ZNF469: variants seen among roughly 807,000 people sequenced by gnomAD.
ZNF469 encodes the protein zinc finger protein 469.
A neutral mutation model predicts 1.0 loss-of-function variants in ZNF469; 1 was observed. The ratio of observed to expected loss-of-function variants is 1.00; its 90% confidence interval spans 0.35 to 4.73. The LOEUF (loss-of-function observed/expected upper bound fraction) is 4.73, where lower values mean the gene tolerates loss of function less well. Ranked by LOEUF, ZNF469 falls within the 30% of genes most tolerant of loss-of-function variation. The pLI is 0.16. For synonymous variants in ZNF469, 2,703 were observed against 2,363.4 expected, an observed-to-expected ratio of 1.14 and a Z score of -4.17; for missense variants, 6,100 against 5,356.3, an observed-to-expected ratio of 1.14 and a Z score of -4.33.
intron 1 of ZNF469, among the ~76,000 whole-genome samples, chr16:88,387,135 A>G (rs536225742): frequency 1.3e-5 from 2 of 152,302 alleles, no homozygotes; most frequent in African/African-American, 4.8e-5. Context: ...CTAGACACCC[A>G]GAGACCCGCG....
the ZNF469 span, among the ~76,000 whole-genome samples, chr16:88,104,223 GTCA>G: frequency 6.8e-6 from 1 of 146,758 alleles, no homozygotes; most frequent in Non-Finnish European, 1.5e-5. Flanking sequence ...CGATGGGGAC[GTCA>G]TCTGCCTCCC....
the ZNF469 span, among the ~76,000 whole-genome samples, chr16:88,101,544 CTT>C: frequency 1.9e-4 from 27 of 144,040 alleles, no homozygotes; most frequent in Non-Finnish European, 1.7e-4. Flanking sequence ...TCTCATTACG[CTT>C]TTTTTTTTTT....
chr16:88,380,331 T>TCA (rs144142838), upstream of ZNF469, among the ~76,000 whole-genome samples: 9 of 48,440 alleles, frequency 1.9e-4, 2 homozygotes, highest in African/African-American at 3.8e-4. Context: ...ACACATGCAC[T>TCA]CACACATGCG....
intron 1 of ZNF469, among the ~76,000 whole-genome samples, chr16:88,407,225 G>A (rs1049613217): frequency 2.6e-5 from 4 of 152,242 alleles, no homozygotes; most frequent in Non-Finnish European, 4.4e-5. Flanking sequence ...CCCCCAGGGT[G>A]GGAGCTCCTG....
chr16:88,427,413 C>A lies in ZNF469; in HGVS notation c.-58C>A. On this transcript the variant is annotated 5_prime_UTR_variant, in exon 3 of 3. Coordinates refer to ENST00000565624, the MANE Select transcript of ZNF469 (RefSeq NM_001367624.2). ...GAGGGCTGAGGATGGCCGTCCAGCC[C>A]ACTCCCCAGGGCCCCCCTCGGACAG... 2 of 1,432,436 alleles carry A rather than the reference C, an allele frequency of 1.4e-6. No individual in the cohort carries two copies. The highest frequency in any genetic ancestry group is 1.5e-5 in the South Asian group (1 of 68,012). The allele number at this position is 1,432,436 out of a possible 1,614,324, so 88.7% of individuals were successfully genotyped here. A position where few individuals can be genotyped will look rare whatever the true frequency, so the allele number is the denominator to read the frequency against.
In ZNF469 at chr16:88,432,853, G is replaced by A; in HGVS notation, c.5383G>A (p.Ala1795Thr). The change falls in exon 3 of 3, where the codon GCT (alanine) becomes ACT (threonine). Residue 1795 changes from alanine (A) to threonine (T), a missense_variant. Physicochemically the swap from Ala to Thr is moderately conservative, Grantham distance 58. Coordinates refer to ENST00000565624, the MANE Select transcript of ZNF469 (RefSeq NM_001367624.2). ...QPHRGAPAPEAFGSPAVHLAP... is the reference protein window; with the variant it reads ...QPHRGAPAPETFGSPAVHLAP... ...CCACCGAGGGGCCCCTGCTCCAGAA[G>A]CTTTTGGCAGCCCTGCTGTCCATCT... 6.5e-7 allele frequency: 1 copy of A among 1,550,354 alleles called. No homozygotes were observed. Among genetic ancestry groups the A allele is most frequent in the Non-Finnish European group, 8.7e-7 (1 of 1,146,990 alleles).
At chr16:88,120,085 G>A in the ZNF469 span, among the ~76,000 whole-genome samples, 1 of 152,234 alleles carries the variant, frequency 6.6e-6, no homozygotes, top group Non-Finnish European at 1.5e-5. Context: ...ACCGGGTAGA[G>A]TGTGCTGAGG....
At chr16:88,225,800 C>T in the ZNF469 span, among the ~76,000 whole-genome samples, 1 of 152,236 alleles carries the variant, frequency 6.6e-6, no homozygotes, top group Non-Finnish European at 1.5e-5. Context: ...CTGCCAGCAT[C>T]TCCATCCTGG....
chr16:88,423,770 T>C (rs1374601664), intron 1 of ZNF469, among the ~76,000 whole-genome samples: 1 of 152,306 alleles, frequency 6.6e-6, no homozygotes, highest in Non-Finnish European at 1.5e-5. Flanking sequence ...ACGGGGCTGC[T>C]TGAGTGCCCG....
the ZNF469 span, among the ~76,000 whole-genome samples, chr16:88,364,415 T>C: frequency 6.6e-6 from 1 of 151,870 alleles, no homozygotes; most frequent in East Asian, 1.9e-4. Flanking sequence ...GTTCTTCCTT[T>C]ATTTTGTCTG....
In ZNF469 at chr16:88,428,910, C is replaced by A. The variant is rs1252110692; in HGVS notation, c.1440C>A (p.Ala480=). The change falls in exon 3 of 3, where the codon GCC becomes GCA. Residue 480 remains alanine (A), a synonymous_variant. Coordinates refer to ENST00000565624, the MANE Select transcript of ZNF469 (RefSeq NM_001367624.2). ...AGCGGCTCTGCCTCCCCCAGAGTGC[C>A]CCCCTGCCTTGGCCCCAAGTGCTCC... The part of the protein sequence containing the change: ...PGQRLCLPQS[A]PLPWPQVLPT... 3 of 1,546,586 alleles carry A rather than the reference C, an allele frequency of 1.9e-6. No individual in the cohort carries two copies. The Admixed American group carries it at 5.9e-5, about 30-fold the overall frequency.
chr16:88,365,603 T>C, the ZNF469 span, among the ~76,000 whole-genome samples: 3 of 152,218 alleles, frequency 2.0e-5, no homozygotes, highest in African/African-American at 2.4e-5. Flanking sequence ...TTTCCAGTTA[T>C]GTGAGCCAAG....
intron 1 of ZNF469, among the ~76,000 whole-genome samples, chr16:88,409,920 T>G: frequency 6.7e-6 from 1 of 148,408 alleles, no homozygotes; most frequent in African/African-American, 2.6e-5. Flanking sequence ...GGGGCGGGCC[T>G]GGTGCAGGTC....
In ZNF469 at chr16:88,432,779, G is replaced by A. The variant is rs1226277422; in HGVS notation, c.5309G>A (p.Cys1770Tyr). Residue 1770 changes from cysteine (C) to tyrosine (Y), a missense_variant, in exon 3 of 3, where the codon TGT (cysteine) becomes TAT (tyrosine). Physicochemically the swap from Cys to Tyr is radical, Grantham distance 194. Transcript: ENST00000565624. ...GAAGACTCCCTGCGGCTGCTTCCCT[G>A]TGAACAGAGAGGAGGGTTCCTCCCA... is the stretch of plus-strand genomic sequence containing the variant. ...ESEDSLRLLPCEQRGGFLPEP... is the reference protein window; with the variant it reads ...ESEDSLRLLPYEQRGGFLPEP... 1.9e-6 allele frequency: 3 copies of A among 1,550,384 alleles called. No homozygotes were observed. Among genetic ancestry groups the A allele is most frequent in the South Asian group, 1.2e-5 (1 of 84,060 alleles).
the ZNF469 span, among the ~76,000 whole-genome samples, chr16:88,282,387 C>A: frequency 2.6e-4 from 39 of 152,222 alleles, no homozygotes; most frequent in African/African-American, 8.9e-4. Context: ...TTGAGAGGGA[C>A]CTGGGTGTGT....
At chr16:88,305,444 A>G in the ZNF469 span, among the ~76,000 whole-genome samples, 2 of 146,922 alleles carry the variant, frequency 1.4e-5, no homozygotes, top group Non-Finnish European at 3.0e-5. Flanking sequence ...ACGTGCACAC[A>G]TGCTCATAGA....
At chr16:88,315,778 C>G in the ZNF469 span, among the ~76,000 whole-genome samples, 1 of 152,306 alleles carries the variant, frequency 6.6e-6, no homozygotes, top group Admixed American at 6.5e-5. Flanking sequence ...GTTTCCAAGA[C>G]AAGAGCAGGC....
At chr16:88,399,892 G>A (rs1241035901) in intron 1 of ZNF469, among the ~76,000 whole-genome samples, 1 of 152,228 alleles carries the variant, frequency 6.6e-6, no homozygotes, top group African/African-American at 2.4e-5. Context: ...TCTACCCAGG[G>A]CTGGGGCCAC....
the ZNF469 span, among the ~76,000 whole-genome samples, chr16:88,277,385 C>T: frequency 7.9e-5 from 12 of 151,054 alleles, no homozygotes; most frequent in East Asian, 2.0e-4. Flanking sequence ...TGCTGTGCCA[C>T]GCTGACACTC....
Sources: allele counts gnomAD v4.1 joint callset (sites outside exome capture counted in the v4.1 genomes callset), GRCh38; gene constraint gnomAD v4.1.1; transcripts MANE v1.5; gene names NCBI Gene and HGNC (gene_info 2026-07-23, HGNC 2026-07-21).